Variants in GRM1 observed in about 807,000 individuals in gnomAD.
GRM1 encodes the protein metabotropic glutamate receptor 1.
Under a neutral mutation model 90.9 loss-of-function variants are expected in GRM1, and 33 were observed. The ratio of observed to expected loss-of-function variants is 0.36; its 90% CI spans 0.28 to 0.49. The LOEUF is 0.49. Among genes scored for constraint, GRM1 ranks in the 20% least tolerant of loss-of-function variants. The pLI, the probability that GRM1 is intolerant of heterozygous loss-of-function variation, is 0.99. For synonymous variants in GRM1, 700 were observed against 613.2 expected, an observed-to-expected ratio of 1.14 and a Z score of -2.09; for missense variants, 1,190 against 1,534.3, an observed-to-expected ratio of 0.78 and a Z score of 3.75.
intron 1 of GRM1, among the ~76,000 whole-genome samples, chr6:146,117,160 T>A (rs1260148824): frequency 6.7e-6 from 1 of 150,066 alleles, no homozygotes; most frequent in African/African-American, 2.4e-5. Flanking sequence ...ATTTATTTAT[T>A]TTTTTTTTAG....
At chr6:146,059,181 G>T (rs1014777054) in intron 1 of GRM1, among the ~76,000 whole-genome samples, 1 of 152,036 alleles carries the variant, frequency 6.6e-6, no homozygotes, top group African/African-American at 2.4e-5. Flanking sequence ...GGCAGCTATA[G>T]CTTCATGAAA....
At chr6:146,252,008 G>A (rs1781303994) in intron 2 of GRM1, among the ~76,000 whole-genome samples, 1 of 152,020 alleles carries the variant, frequency 6.6e-6, no homozygotes, top group South Asian at 2.1e-4. Flanking sequence ...TCATAGAATT[G>A]TAACCCTCTG....
At chr6:146,404,657 C>T (rs1000827134) in intron 7 of GRM1, among the ~76,000 whole-genome samples, 1 of 152,094 alleles carries the variant, frequency 6.6e-6, no homozygotes, top group Non-Finnish European at 1.5e-5. Context: ...TTTCATGCCA[C>T]GATGTAGAGT....
intron 1 of GRM1, among the ~76,000 whole-genome samples, chr6:146,107,858 G>T (rs1236726609): frequency 6.6e-6 from 1 of 151,930 alleles, no homozygotes; most frequent in Non-Finnish European, 1.5e-5. Flanking sequence ...CTCTCTTTTT[G>T]ATTCTCTAAT....
rs1269728112 is a variant in GRM1 at position 146,034,916 on chromosome 6, G to A, written c.700+4699G>A. ...TTGAAGACTTAATTTCGGTTACTAA[G>A]TAGTTTTTACTTTAAGGGGAGTGCA... On this transcript the variant is annotated intron_variant, in intron 1 of 7. Transcript: ENST00000282753. 1.3e-5 allele frequency among the ~76,000 whole-genome samples: 2 copies of A among 151,930 alleles called. 1 individual carries two copies. Among genetic ancestry groups the A allele is most frequent in the South Asian group, 4.1e-4 (2 of 4,826 alleles).
intron 7 of GRM1, among the ~76,000 whole-genome samples, chr6:146,428,931 C>T (rs1057336865): frequency 5.9e-5 from 9 of 152,138 alleles, no homozygotes; most frequent in African/African-American, 2.2e-4. Context: ...CTATACTTTA[C>T]TGAATTTGAT....
At chr6:146,263,849 A>T (rs1168956123) in intron 2 of GRM1, among the ~76,000 whole-genome samples, 2 of 152,136 alleles carry the variant, frequency 1.3e-5, no homozygotes, top group Non-Finnish European at 2.9e-5. Flanking sequence ...AGGCTAAGGC[A>T]TAGGTTCTTC....
chr6:146,168,553 A>T (rs1386891764), intron 2 of GRM1, among the ~76,000 whole-genome samples: 2 of 151,988 alleles, frequency 1.3e-5, no homozygotes. Context: ...GACCTTCTTC[A>T]TTCCTTTGTA....
intron 3 of GRM1, among the ~76,000 whole-genome samples, chr6:146,344,794 T>C (rs1350556084): frequency 6.6e-6 from 1 of 150,992 alleles, no homozygotes; most frequent in Non-Finnish European, 1.5e-5. Flanking sequence ...TATATCTTTT[T>C]CGTTTTTCTT....
chr6:146,054,953 G>T (rs562076993), intron 1 of GRM1, among the ~76,000 whole-genome samples: 1 of 151,868 alleles, frequency 6.6e-6, no homozygotes, highest in Non-Finnish European at 1.5e-5. Flanking sequence ...ATGGGTGCGG[G>T]TAATAATTGG....
At chr6:146,271,031 G>A (rs888448698) in intron 2 of GRM1, among the ~76,000 whole-genome samples, 3 of 137,252 alleles carry the variant, frequency 2.2e-5, no homozygotes, top group African/African-American at 8.4e-5. Context: ...TCAAGATGAA[G>A]TCTCACTCTG....
chr6:146,048,515 T>G (rs1235521550), intron 1 of GRM1, among the ~76,000 whole-genome samples: 1 of 152,010 alleles, frequency 6.6e-6, no homozygotes, highest in Non-Finnish European at 1.5e-5. Flanking sequence ...CCTCTGTTTT[T>G]GTTATGGGTT....
intron 2 of GRM1, among the ~76,000 whole-genome samples, chr6:146,192,311 A>G (rs1778958788): frequency 6.6e-6 from 1 of 152,192 alleles, no homozygotes; most frequent in South Asian, 2.1e-4. Flanking sequence ...CAAACTGTAG[A>G]ATAATAATGG....
chr6:146,084,397 C>T (rs909558559), intron 1 of GRM1, among the ~76,000 whole-genome samples: 7 of 151,954 alleles, frequency 4.6e-5, no homozygotes, highest in African/African-American at 7.3e-5. Context: ...TCCCTCTTAA[C>T]GCTGCTTTAG....
chr6:146,214,627 G>A (rs1178531646), intron 2 of GRM1, among the ~76,000 whole-genome samples: 1 of 152,112 alleles, frequency 6.6e-6, no homozygotes, highest in African/African-American at 2.4e-5. Flanking sequence ...AGTAGGGGGT[G>A]GAGGCAGACT....
intron 1 of GRM1, among the ~76,000 whole-genome samples, chr6:146,117,985 CTG>C (rs1052087077): frequency 3.3e-5 from 5 of 151,836 alleles, no homozygotes; most frequent in Admixed American, 1.3e-4. Flanking sequence ...ACTTAATACT[CTG>C]TCTCCTTTTG....
At chr6:146,209,763 T>C (rs1375758317) in intron 2 of GRM1, among the ~76,000 whole-genome samples, 1 of 152,158 alleles carries the variant, frequency 6.6e-6, no homozygotes, top group African/African-American at 2.4e-5. Context: ...TATTTTGGAT[T>C]CAGTGATTCA....
At chr6:146,365,711 G>A (rs1251655189) in intron 5 of GRM1, among the ~76,000 whole-genome samples, 1 of 152,106 alleles carries the variant, frequency 6.6e-6, no homozygotes, top group East Asian at 1.9e-4. Flanking sequence ...AGATAGCTAC[G>A]CCCTTTCCCT....
intron 1 of GRM1, among the ~76,000 whole-genome samples, chr6:146,158,245 T>C (rs952450055): frequency 6.6e-6 from 1 of 152,116 alleles, no homozygotes; most frequent in Non-Finnish European, 1.5e-5. Context: ...AAGAAGCAAT[T>C]AAGAGGTAGA....
Sources: allele counts gnomAD v4.1 joint callset (sites outside exome capture counted in the v4.1 genomes callset), GRCh38; gene constraint gnomAD v4.1.1; transcripts MANE v1.5; gene names NCBI Gene and HGNC (gene_info 2026-07-23, HGNC 2026-07-21).